Variants in SULT2B1 observed in about 807,000 individuals in gnomAD.
The protein encoded by SULT2B1 is sulfotransferase 2B1.
In SULT2B1, 16 loss-of-function variants were observed where a neutral mutation model predicts 33.2. That is an observed-to-expected ratio of 0.48 (90% CI 0.33 to 0.73). The LOEUF (loss-of-function observed/expected upper bound fraction) is 0.73, where lower values mean the gene tolerates loss of function less well. SULT2B1 is among the 30% of genes least tolerant of loss of function. The pLI is 0.02. For missense variants in SULT2B1, 500 were observed against 506.0 expected (o/e 0.99, Z 0.11); for synonymous variants, 186 against 200.5 (o/e 0.93, Z 0.61).
At chr19:48,573,510 A>T (rs1297006308) in intron 1 of SULT2B1, among the ~76,000 whole-genome samples, 1 of 152,058 alleles carries the variant, frequency 6.6e-6, no homozygotes, top group Non-Finnish European at 1.5e-5. Flanking sequence ...GCAGCCACGT[A>T]GGCATGTGGG....
intron 2 of SULT2B1, among the ~76,000 whole-genome samples, chr19:48,585,613 G>A (rs559410306): frequency 1.3e-5 from 2 of 151,566 alleles, no homozygotes; most frequent in African/African-American, 2.4e-5. Context: ...AGGTTGCAGT[G>A]AGCCAAGATC....
At chr19:48,571,909 G>A (rs915640474) in intron 1 of SULT2B1, among the ~76,000 whole-genome samples, 7 of 152,118 alleles carry the variant, frequency 4.6e-5, no homozygotes, top group Admixed American at 1.3e-4. Flanking sequence ...CACCATGCCC[G>A]GCTGCACTTG....
In SULT2B1 at chr19:48,587,348, A is replaced by G. The variant is rs747459444; in HGVS notation, c.334A>G (p.Ser112Gly). Residue 112 changes from serine (S) to glycine (G), a missense_variant, in exon 3 of 7, where the codon AGC (serine) becomes GGC (glycine). Coordinates refer to ENST00000201586, the MANE Select transcript of SULT2B1 (RefSeq NM_177973.2). ...PWCETIVGAF[S>G]LPDQYSPRLM... ...GTGTGAGACCATTGTGGGTGCCTTC[A>G]GCCTCCCGGACCAGTACAGCCCCCG... is the stretch of plus-strand genomic sequence containing the variant. 4 of 1,613,904 alleles carry G rather than the reference A, an allele frequency of 2.5e-6. No individual in the cohort carries two copies. The highest frequency in any genetic ancestry group is 2.7e-5 in the African/African-American group (2 of 74,886).
intron 2 of SULT2B1, among the ~76,000 whole-genome samples, chr19:48,585,664 C>T (rs891119970): frequency 1.4e-5 from 2 of 147,594 alleles, no homozygotes; most frequent in Admixed American, 6.8e-5. Context: ...AGCAAAACTC[C>T]GTCTCAAAAA....
chr19:48,564,250 A>T (rs908419272), intron 1 of SULT2B1, among the ~76,000 whole-genome samples: 1 of 151,288 alleles, frequency 6.6e-6, no homozygotes, highest in Admixed American at 6.6e-5. Flanking sequence ...GTCTCAAAAA[A>T]TAAAAATAAC....
intron 2 of SULT2B1, among the ~76,000 whole-genome samples, chr19:48,577,696 CTCTT>C (rs1973432741): frequency 6.6e-6 from 1 of 151,770 alleles, no homozygotes; most frequent in Admixed American, 6.6e-5. Context: ...ATAACAAAAA[CTCTT>C]CCTTCCCTTT....
intron 4 of SULT2B1, among the ~76,000 whole-genome samples, chr19:48,592,211 G>T (rs1973652336): frequency 6.6e-6 from 1 of 152,186 alleles, no homozygotes; most frequent in Non-Finnish European, 1.5e-5. Flanking sequence ...AGAATGGCTT[G>T]AACTTGGGAG....
chr19:48,587,622 T>C (rs1205846581), intron 3 of SULT2B1, among the ~76,000 whole-genome samples, 185 bp downstream of exon 3: 2 of 152,144 alleles, frequency 1.3e-5, no homozygotes, highest in African/African-American at 2.4e-5. Context: ...CAGGGAGTGA[T>C]GGCTCATGCC....
rs111430920 is a variant in SULT2B1 at position 48,595,143 on chromosome 19, G to A, written c.646-1596G>A. ...ACTAAAAATACAAAATTAGCCAGGCGTGGTGGCACATGCCTGTAATCCCAG... is the reference window on the plus strand; with the variant it reads ...ACTAAAAATACAAAATTAGCCAGGCATGGTGGCACATGCCTGTAATCCCAG... On this transcript the variant is annotated intron_variant, in intron 5 of 6. Transcript: ENST00000201586. Among the ~76,000 whole-genome samples, 11 of 151,640 alleles carry A rather than the reference G, an allele frequency of 7.3e-5. No homozygotes were observed. The East Asian group carries it at 9.7e-4, about 13-fold the overall frequency.
intron 2 of SULT2B1, among the ~76,000 whole-genome samples, chr19:48,579,608 T>TCTTTCTTTC (rs1555733742): frequency 9.3e-6 from 1 of 107,894 alleles, no homozygotes; most frequent in African/African-American, 3.2e-5. Context: ...TTTCTTTCTT[T>TCTTTCTTTC]TTTTTTTTTT....
chr19:48,568,661 GA>G lies in SULT2B1; in HGVS notation c.72-7279del, dbSNP rs530821627. ...CGGGACACTGCTTGGCGCGTCCTGG[GA>G]GTGAAGCGCATTGAACCCAGCTCAG... On this transcript the variant is annotated intron_variant, in intron 1 of 6. Coordinates refer to ENST00000201586, the MANE Select transcript of SULT2B1 (RefSeq NM_177973.2). 1.2e-3 allele frequency among the ~76,000 whole-genome samples: 188 copies of G among 152,302 alleles called. 1 individual carries two copies. Among genetic ancestry groups the G allele is most frequent in the Middle Eastern group, 0.01 (3 of 294 alleles).
chr19:48,553,979 T>TA (rs113341280), intron 1 of SULT2B1, among the ~76,000 whole-genome samples: 13 of 151,944 alleles, frequency 8.6e-5, no homozygotes, highest in African/African-American at 2.7e-4. Flanking sequence ...GCCTTTTTTT[T>TA]ATCTCCGCGA....
chr19:48,582,109 G>A (rs1973498789), intron 2 of SULT2B1, among the ~76,000 whole-genome samples: 1 of 151,204 alleles, frequency 6.6e-6, no homozygotes, highest in Admixed American at 6.6e-5. Context: ...TTTGCCATGT[G>A]GGCCAGGCTG....
chr19:48,564,551 C>CAAAAAAAA (rs770217698), intron 1 of SULT2B1, among the ~76,000 whole-genome samples: 1 of 57,632 alleles, frequency 1.7e-5, no homozygotes, highest in Non-Finnish European at 3.0e-5. Context: ...GACTCCGTCT[C>CAAAAAAAA]AAAAAAAAAA....
At chr19:48,553,370 C>T (rs1366237983) in intron 1 of SULT2B1, among the ~76,000 whole-genome samples, 2 of 152,138 alleles carry the variant, frequency 1.3e-5, no homozygotes, top group African/African-American at 2.4e-5. Context: ...TGCAATGGCA[C>T]GATATCAGCT....
chr19:48,591,859 A>C, intron 4 of SULT2B1, 124 bp downstream of exon 4: 1 of 1,201,572 alleles, frequency 8.3e-7, no homozygotes, highest in Non-Finnish European at 1.1e-6. Context: ...CAAAAGGGGC[A>C]ATAGAGACAG....
intron 1 of SULT2B1, 35 bp from the exon 2 acceptor site, chr19:48,575,906 C>A (rs748467403): frequency 1.3e-6 from 2 of 1,595,026 alleles, no homozygotes; most frequent in Non-Finnish European, 1.7e-6. Flanking sequence ...CACCTCCCTA[C>A]TCTCCCTCAT....
At chr19:48,579,843 G>A (rs1973463479) in intron 2 of SULT2B1, among the ~76,000 whole-genome samples, 1 of 151,162 alleles carries the variant, frequency 6.6e-6, no homozygotes, top group Non-Finnish European at 1.5e-5. Context: ...CTGACCTCAG[G>A]TGATCCACCT....
intron 1 of SULT2B1, among the ~76,000 whole-genome samples, chr19:48,558,679 C>CTTTTTTTTTTTTTTTTTTTTTTTTTT (rs869189397): frequency 1.9e-5 from 2 of 106,178 alleles, no homozygotes; most frequent in African/African-American, 4.2e-5. Context: ...CTTTTCTTTT[C>CTTTTTTTTTTTTTTTTTTTTTTTTTT]TTTTTTTTTT....
Sources: allele counts gnomAD v4.1 joint callset (sites outside exome capture counted in the v4.1 genomes callset), GRCh38; gene constraint gnomAD v4.1.1; transcripts MANE v1.5; gene names NCBI Gene and HGNC (gene_info 2026-07-23, HGNC 2026-07-21).